Variants in KRT33B observed in about 807,000 individuals in gnomAD.
KRT33B encodes keratin, type I cuticular Ha3-II.
KRT33B carries 37 observed loss-of-function variants against 42.7 expected under a neutral mutation model. The ratio of observed to expected loss-of-function variants is 0.87; its 90% CI spans 0.67 to 1.14. KRT33B has a LOEUF of 1.14. Ranked by LOEUF, KRT33B falls within the 50% of genes most tolerant of loss-of-function variation. The pLI, the probability that KRT33B is intolerant of heterozygous loss-of-function variation, is 0.00. For synonymous variants in KRT33B, 237 were observed against 221.2 expected (o/e 1.07, Z -0.63); for missense variants, 523 against 515.1 (o/e 1.02, Z -0.15).
At chr17:41,369,290 G>A (rs988155202) in intron 1 of KRT33B, 113 bp downstream of exon 1, 1 of 1,397,234 alleles carries the variant, frequency 7.2e-7, no homozygotes, top group Non-Finnish European at 9.7e-7. Flanking sequence ...GTGAATCTAT[G>A]TCTTTATCAT....
In KRT33B at chr17:41,364,763, T is replaced by C. The variant is rs16966738; in HGVS notation, c.1097+16A>G. On this transcript the variant is annotated intron_variant, in intron 6 of 6. Transcript: ENST00000251646. The stretch of plus-strand genomic sequence containing the variant: ...GTGCCTGTCCCTTGCAGGGGTGCCG[T>C]CCGCCAGGTACTCACTTGCAGTCCT... The C allele has an allele frequency of 0.089, 144,170 of 1,611,922 alleles. 10,278 individuals carry two copies. Among genetic ancestry groups the C allele is most frequent in the African/African-American group, 0.33 (24,136 of 73,792 alleles).
At position 41,365,217 on chromosome 17, in the gene KRT33B, T is replaced by G; in HGVS notation, c.834A>C (p.Thr278=). 6.2e-7 allele frequency: 1 copy of G among 1,611,940 alleles called. No homozygotes were observed. The change falls in exon 5 of 7, where the codon ACA becomes ACC. Residue 278 remains threonine (T), a synonymous_variant. Transcript: ENST00000251646. The part of the protein sequence containing the change: ...YQAEIIELRR[T]VNALEIELQA... ...GCAGCTCGATCTCCAGGGCATTGAC[T>G]GTGCGTCTCAGCTCGATGATCTCCG...
intron 2 of KRT33B, 83 bp downstream of exon 2, chr17:41,367,825 C>A: frequency 8.0e-7 from 1 of 1,255,004 alleles, no homozygotes; most frequent in Non-Finnish European, 1.2e-6. Context: ...ATTTCTGCTT[C>A]CACATTCCAG....
At position 41,368,296 on chromosome 17, in the gene KRT33B, C is replaced by T. The variant is rs941595055; in HGVS notation, c.349-306G>A. Among the ~76,000 whole-genome samples, 28 of 151,400 alleles carry T rather than the reference C, an allele frequency of 1.8e-4. 1 individual carries two copies. Among genetic ancestry groups the T allele is most frequent in the African/African-American group, 6.4e-4 (26 of 40,692 alleles). ...CAGTTAACTTAGGACTGAGGGGTTT[C>T]TGGGATGCTAAAATGGGAAAAATCC... On this transcript the variant is annotated intron_variant, in intron 1 of 6. Transcript: ENST00000251646.
At chr17:41,369,266 T>C in intron 1 of KRT33B, 137 bp downstream of exon 1, 1 of 1,269,566 alleles carries the variant, frequency 7.9e-7, no homozygotes, top group Non-Finnish European at 1.1e-6. Flanking sequence ...CTACTTGATG[T>C]CATACCTAAG....
chr17:41,368,488 A>G (rs2017730291), intron 1 of KRT33B, among the ~76,000 whole-genome samples: 1 of 150,984 alleles, frequency 6.6e-6, no homozygotes, highest in Admixed American at 6.6e-5. Context: ...TACTTAATCA[A>G]TAACACTTCT....
chr17:41,367,120 C>G (rs566853504), intron 2 of KRT33B, among the ~76,000 whole-genome samples: 2 of 151,374 alleles, frequency 1.3e-5, no homozygotes, highest in African/African-American at 4.9e-5. Flanking sequence ...AAACTAACAC[C>G]TTATAGGGTT....
At chr17:41,366,361 G>A in intron 3 of KRT33B, 109 bp downstream of exon 3, 1 of 1,303,284 alleles carries the variant, frequency 7.7e-7, no homozygotes, top group Non-Finnish European at 1.1e-6. Context: ...TGAGCAACCA[G>A]CAAAATGTTG....
intron 6 of KRT33B, 151 bp downstream of exon 6, chr17:41,364,628 A>G (rs1326563145): frequency 2.9e-6 from 3 of 1,022,076 alleles, no homozygotes; most frequent in African/African-American, 1.7e-5. Flanking sequence ...AATGTTAGCA[A>G]CAAATATCCT....
chr17:41,366,010 T>C (rs941667733), intron 3 of KRT33B, among the ~76,000 whole-genome samples: 1 of 151,338 alleles, frequency 6.6e-6, no homozygotes, highest in African/African-American at 2.5e-5. Flanking sequence ...GAATCAACCA[T>C]TATTTGAGTT....
intron 3 of KRT33B, 21 bp downstream of exon 3, chr17:41,366,449 A>G (rs747839738): frequency 2.5e-6 from 4 of 1,611,158 alleles, no homozygotes; most frequent in Non-Finnish European, 3.4e-6. Context: ...GTATTGGGAT[A>G]TTGGGGGCTG....
intron 5 of KRT33B, 24 bp from the exon 6 acceptor site, chr17:41,365,023 G>A: frequency 1.9e-6 from 3 of 1,612,998 alleles, no homozygotes; most frequent in Non-Finnish European, 2.5e-6. Flanking sequence ...GATCAGGAAT[G>A]TCAGAGAGCT....
At chr17:41,366,219 G>A (rs1239548824) in intron 3 of KRT33B, among the ~76,000 whole-genome samples, 1 of 151,248 alleles carries the variant, frequency 6.6e-6, no homozygotes, top group Non-Finnish European at 1.5e-5. Flanking sequence ...GTAGACAGTA[G>A]TTTAAAGATA....
In KRT33B at chr17:41,369,516, G is replaced by C; in HGVS notation, c.235C>G (p.Arg79Gly). The C allele has an allele frequency of 1.2e-6, 2 of 1,613,922 alleles. No homozygotes were observed. The highest frequency in any genetic ancestry group is 1.7e-6 in the Non-Finnish European group (2 of 1,180,046). Reference protein sequence around the residue: ...SYLEKVRQLERDNAELENLIR... With the variant: ...SYLEKVRQLEGDNAELENLIR... ...AGGTTCTCCAGCTCCGCGTTGTCCC[G>C]CTCCAGCTGACGCACCTTCTCCAGG... Residue 79 changes from arginine to glycine, a missense_variant, in exon 1 of 7, where the codon CGG becomes GGG. Physicochemically the swap from Arg to Gly is moderately radical, Grantham distance 125. Transcript: ENST00000251646.
At chr17:41,369,312 C>A in intron 1 of KRT33B, 91 bp downstream of exon 1, 1 of 1,500,272 alleles carries the variant, frequency 6.7e-7, no homozygotes, top group Non-Finnish European at 9.0e-7. Context: ...CTCAGCATTA[C>A]TGTGAACAGA....
rs201059903 is a variant in KRT33B at position 41,366,589 on chromosome 17, A to C, written c.469T>G (p.Ser157Ala). Reference protein sequence around the residue: ...TEQSLRQLVESDINSLRRILD... With the variant: ...TEQSLRQLVEADINSLRRILD... ...ATCCTGCGCAGGCTGTTGATGTCGGACTCCACCAGCTGCCGCAGGGACTGC... is the reference window on the plus strand; with the variant it reads ...ATCCTGCGCAGGCTGTTGATGTCGGCCTCCACCAGCTGCCGCAGGGACTGC... The change falls in exon 3 of 7, where the codon TCC (serine) becomes GCC (alanine). Residue 157 changes from serine to alanine, a missense_variant. Coordinates refer to ENST00000251646, the MANE Select transcript of KRT33B (RefSeq NM_002279.5). 1.7e-5 allele frequency: 28 copies of C among 1,611,248 alleles called. No individual in the cohort carries two copies. The East Asian group carries it at 5.8e-4, about 33-fold the overall frequency.
At chr17:41,364,577 C>T (rs2017668770) in intron 6 of KRT33B, among the ~76,000 whole-genome samples, 1 of 151,466 alleles carries the variant, frequency 6.6e-6, no homozygotes, top group African/African-American at 2.5e-5. Context: ...AGTCAAGTCC[C>T]ATGACTATCT....
intron 1 of KRT33B, 125 bp downstream of exon 1, chr17:41,369,278 C>T (rs2017743761): frequency 6.0e-6 from 8 of 1,328,126 alleles, no homozygotes; most frequent in Non-Finnish European, 8.2e-6. Flanking sequence ...ATACCTAAGC[C>T]AGTGAATCTA....
Position 41,365,499 on chromosome 17 carries a change from C to G in KRT33B, c.643G>C (p.Ala215Pro), listed in dbSNP as rs143499346. 2,496 of 1,612,982 alleles carry G rather than the reference C, an allele frequency of 1.5e-3. 74 individuals carry two copies. In the East Asian group the frequency reaches 0.053, roughly 34 times the overall value. The change falls in exon 4 of 7, where the codon GCT (alanine) becomes CCT (proline). Residue 215 changes from alanine (A) to proline (P), a missense_variant. Coordinates refer to ENST00000251646, the MANE Select transcript of KRT33B (RefSeq NM_002279.5). ...LGDRLNVEVD[A>P]APAVDLNQVL... ...TGGTTCAGGTCCACAGCGGGAGCAG[C>G]GTCCACCTCCACGTTGAGGCGGTCT...
Sources: allele counts gnomAD v4.1 joint callset (sites outside exome capture counted in the v4.1 genomes callset), GRCh38; gene constraint gnomAD v4.1.1; transcripts MANE v1.5; gene names NCBI Gene and HGNC (gene_info 2026-07-23, HGNC 2026-07-21).